The following PTPRG variants were observed in gnomAD, a reference collection of about 807,000 sequenced individuals.
PTPRG encodes receptor-type tyrosine-protein phosphatase gamma.
In PTPRG, 102 loss-of-function variants were observed where a neutral mutation model predicts 165.3. That is an observed-to-expected ratio of 0.62 (90% CI 0.53 to 0.73). The LOEUF is 0.73. Among genes scored for constraint, PTPRG ranks in the 30% least tolerant of loss-of-function variants. PTPRG has a pLI of 0.00. For synonymous variants in PTPRG, 675 were observed against 669.5 expected (o/e 1.01, Z -0.13); for missense variants, 1,866 against 1,861.4 (o/e 1.00, Z -0.05).
chr3:62,078,492 A>G (rs1224620047), intron 5 of PTPRG, among the ~76,000 whole-genome samples: 1 of 152,218 alleles, frequency 6.6e-6, no homozygotes, highest in African/African-American at 2.4e-5. Flanking sequence ...TGGTGCACAG[A>G]TTGAAGAACA....
chr3:62,269,365 T>C (rs574388749), intron 20 of PTPRG, among the ~76,000 whole-genome samples, 196 bp downstream of exon 20: 9 of 152,314 alleles, frequency 5.9e-5, no homozygotes, highest in African/African-American at 1.9e-4. Flanking sequence ...AGAATTTAAC[T>C]GGCCTGATTG....
intron 2 of PTPRG, among the ~76,000 whole-genome samples, chr3:61,815,565 G>C (rs189172974): frequency 6.6e-6 from 1 of 152,126 alleles, no homozygotes; most frequent in African/African-American, 2.4e-5. Flanking sequence ...CAGAGAATAC[G>C]AGGTTATATA....
intron 1 of PTPRG, among the ~76,000 whole-genome samples, chr3:61,567,089 G>T (rs1222397501): frequency 6.6e-6 from 1 of 152,206 alleles, no homozygotes; most frequent in African/African-American, 2.4e-5. Context: ...CTTTGGTTCA[G>T]AGTTGACCTC....
chr3:62,080,061 C>CTTTTTTTTTTTT (rs774262138), intron 5 of PTPRG, among the ~76,000 whole-genome samples: 1 of 111,568 alleles, frequency 9.0e-6, no homozygotes. Flanking sequence ...CCCTTCGGTT[C>CTTTTTTTTTTTT]ATTTTTTTTT....
chr3:62,018,351 T>C (rs1006811061), intron 4 of PTPRG, among the ~76,000 whole-genome samples: 21 of 152,248 alleles, frequency 1.4e-4, no homozygotes, highest in Admixed American at 1.2e-3. Flanking sequence ...TAAAAAGCCG[T>C]GCATCTTTAA....
chr3:61,866,591 T>C (rs1182219338), intron 2 of PTPRG, among the ~76,000 whole-genome samples: 1 of 38,070 alleles, frequency 2.6e-5, no homozygotes, highest in Admixed American at 2.3e-4. Context: ...TCTTTTTTTT[T>C]TTTTTTTTTT....
chr3:61,919,291 G>C (rs908736155), intron 2 of PTPRG, among the ~76,000 whole-genome samples: 1 of 152,152 alleles, frequency 6.6e-6, no homozygotes. Context: ...GTTAAGTAGG[G>C]GAGTGTTTTG....
chr3:61,962,566 T>G (rs973891627), intron 2 of PTPRG, among the ~76,000 whole-genome samples: 4 of 152,210 alleles, frequency 2.6e-5, no homozygotes, highest in African/African-American at 9.6e-5. Context: ...ACAGTCACAT[T>G]CATGAAGCTT....
intron 1 of PTPRG, among the ~76,000 whole-genome samples, chr3:61,736,684 G>C (rs1248764814): frequency 6.6e-6 from 1 of 152,172 alleles, no homozygotes; most frequent in Non-Finnish European, 1.5e-5. Context: ...ACAGGTGGAA[G>C]TACACACTTA....
chr3:62,281,777 T>G, intron 27 of PTPRG, 68 bp downstream of exon 27: 1 of 1,407,952 alleles, frequency 7.1e-7, no homozygotes, highest in East Asian at 2.7e-5. Flanking sequence ...TAAGTAATAA[T>G]GAAATAATTT....
chr3:61,600,188 A>ATGTGTGTGTGTGTGTGTGTG lies in PTPRG; in HGVS notation c.85+37817_85+37818insGTGTGTGTGTGTGTGTGTGT, dbSNP rs1372886923. 4.7e-3 allele frequency among the ~76,000 whole-genome samples: 628 copies of ATGTGTGTGTGTGTGTGTGTG among 133,064 alleles called. 3 individuals carry two copies. Among genetic ancestry groups the ATGTGTGTGTGTGTGTGTGTG allele is most frequent in the East Asian group, 0.014 (56 of 4,118 alleles). 87.3% of individuals were successfully genotyped at this position (133,064 alleles called of 152,430 possible). A position where few individuals can be genotyped will look rare whatever the true frequency, so the allele number is the denominator to read the frequency against. On this transcript the variant is annotated intron_variant, in intron 1 of 29. Coordinates refer to ENST00000474889, the MANE Select transcript of PTPRG (RefSeq NM_002841.4). ...AAAAAAAAAAAATATATATATATAT[A>ATGTGTGTGTGTGTGTGTGTG]TATATGTGTGTGTGTGTGTGTGTGT...
intron 8 of PTPRG, among the ~76,000 whole-genome samples, chr3:62,183,065 A>G (rs1479012487): frequency 1.3e-5 from 2 of 152,228 alleles, no homozygotes; most frequent in Non-Finnish European, 2.9e-5. Flanking sequence ...AGGCCACACA[A>G]CTGGTTTGTC....
intron 4 of PTPRG, among the ~76,000 whole-genome samples, chr3:62,024,425 A>G (rs912520154): frequency 6.6e-6 from 1 of 152,224 alleles, no homozygotes; most frequent in African/African-American, 2.4e-5. Context: ...GGAATAGAGC[A>G]TACACTTTTT....
intron 2 of PTPRG, among the ~76,000 whole-genome samples, chr3:61,828,765 G>T (rs2036184516): frequency 6.6e-6 from 1 of 152,220 alleles, no homozygotes; most frequent in South Asian, 2.1e-4. Context: ...AGCCTTGCCT[G>T]CAGTGACAGC....
At chr3:61,990,289 G>C (rs2040853321) in intron 3 of PTPRG, among the ~76,000 whole-genome samples, 1 of 152,120 alleles carries the variant, frequency 6.6e-6, no homozygotes, top group African/African-American at 2.4e-5. Flanking sequence ...TCTCATTGCA[G>C]AAAGTTCTAT....
At chr3:61,999,977 A>G (rs181577443) in intron 3 of PTPRG, among the ~76,000 whole-genome samples, 134 of 152,298 alleles carry the variant, frequency 8.8e-4, no homozygotes, top group African/African-American at 3.1e-3. Flanking sequence ...TTAGTGAACT[A>G]AAAGCATCTA....
At chr3:61,740,107 C>T (rs2032920737) in intron 1 of PTPRG, among the ~76,000 whole-genome samples, 1 of 152,108 alleles carries the variant, frequency 6.6e-6, no homozygotes, top group Non-Finnish European at 1.5e-5. Context: ...TTTCTGCTGG[C>T]CATTAAAGAT....
intron 2 of PTPRG, among the ~76,000 whole-genome samples, chr3:61,904,262 T>C (rs1030669244): frequency 3.3e-5 from 5 of 152,134 alleles, no homozygotes; most frequent in Admixed American, 6.5e-5. Context: ...TAAGTCTCCA[T>C]CCAGAAGGAG....
intron 2 of PTPRG, among the ~76,000 whole-genome samples, chr3:61,822,641 T>C (rs2035988123): frequency 6.6e-6 from 1 of 152,232 alleles, no homozygotes; most frequent in East Asian, 1.9e-4. Flanking sequence ...GTTATATTTG[T>C]GAAAATTCTC....
Sources: gnomAD v4.1 joint callset for allele counts (sites outside exome capture counted in the v4.1 genomes callset) on GRCh38, gnomAD v4.1.1 for gene constraint, MANE v1.5 for transcripts, NCBI Gene and HGNC (gene_info 2026-07-23, HGNC 2026-07-21) for gene names.